Variants in RIC3 observed in about 807,000 individuals in gnomAD.
RIC3 encodes the protein protein RIC-3.
A neutral mutation model predicts 27.3 loss-of-function variants in RIC3; 28 were observed. The ratio of observed to expected loss-of-function variants is 1.02; its 90% CI spans 0.76 to 1.41. The LOEUF (loss-of-function observed/expected upper bound fraction) is 1.41, where lower values mean the gene tolerates loss of function less well. Among genes scored for constraint, RIC3 ranks in the 40% most tolerant of loss-of-function variants. The pLI, the probability that RIC3 is intolerant of heterozygous loss-of-function variation, is 0.00. For missense variants in RIC3, 501 were observed against 444.7 expected (o/e 1.13, Z -1.14); for synonymous variants, 184 against 160.4 (o/e 1.15, Z -1.11).
the RIC3 span, chr11:8,098,861 G>T: frequency 6.2e-7 from 1 of 1,613,660 alleles, no homozygotes; most frequent in Non-Finnish European, 8.5e-7. Context: ...TCAGGAGCTG[G>T]CAGCTGTGTG....
In RIC3 at chr11:8,156,732, G is replaced by A. The variant is rs372909751; in HGVS notation, c.124+12134C>T. 1.4e-4 allele frequency among the ~76,000 whole-genome samples: 21 copies of A among 152,140 alleles called. No homozygotes were observed. In the East Asian group the frequency reaches 3.3e-3, roughly 24 times the overall value. ...TATCTAAATCCAGCCAATCCTCCAA[G>A]GCCCAGGCCAGATACTGCCCCCATG... On this transcript the variant is annotated intron_variant, in intron 1 of 5. Transcript: ENST00000309737.
chr11:8,152,069 T>G (rs1950291924), intron 1 of RIC3, among the ~76,000 whole-genome samples: 1 of 152,052 alleles, frequency 6.6e-6, no homozygotes, highest in Non-Finnish European at 1.5e-5. Flanking sequence ...TCACACTAAC[T>G]AGGATGGCTA....
At chr11:8,155,726 T>A (rs1449514667) in intron 1 of RIC3, among the ~76,000 whole-genome samples, 1 of 152,174 alleles carries the variant, frequency 6.6e-6, no homozygotes, top group Non-Finnish European at 1.5e-5. Context: ...CAGCATTTCA[T>A]TCTTGGGGCA....
chr11:8,095,064 G>A, the RIC3 span, among the ~76,000 whole-genome samples: 22 of 152,246 alleles, frequency 1.4e-4, no homozygotes, highest in Admixed American at 1.4e-3. Context: ...ATGTATGTGA[G>A]TTACTGCACG....
At chr11:8,133,155 C>T (rs1468545790) in intron 4 of RIC3, among the ~76,000 whole-genome samples, 2 of 152,116 alleles carry the variant, frequency 1.3e-5, no homozygotes, top group Non-Finnish European at 2.9e-5. Context: ...GCCTCTGGTG[C>T]CTCCCTCTTT....
chr11:8,138,427 AAAG>A, intron 2 of RIC3, 80 bp from the exon 3 acceptor site: 1 of 827,160 alleles, frequency 1.2e-6, no homozygotes, highest in Non-Finnish European at 1.9e-6. Context: ...AACAAAAAAA[AAAG>A]GTTGGGAAAC....
intron 2 of RIC3, chr11:8,138,702 C>A (rs1036778847): frequency 3.3e-5 from 8 of 242,750 alleles, no homozygotes; most frequent in African/African-American, 6.9e-5. Flanking sequence ...CTGTTCTTAG[C>A]TCCCACAGTT....
chr11:8,164,071 G>A (rs1467479428), intron 1 of RIC3, among the ~76,000 whole-genome samples: 1 of 152,130 alleles, frequency 6.6e-6, no homozygotes, highest in Non-Finnish European at 1.5e-5. Flanking sequence ...GATTTGACAT[G>A]GGTGCCAGAA....
In RIC3 at chr11:8,114,826, G is replaced by A. The variant is rs887744740; in HGVS notation, c.671-3689C>T. On this transcript the variant is annotated intron_variant, in intron 5 of 5. Transcript: ENST00000309737. The stretch of plus-strand genomic sequence containing the variant: ...CAGAAATTCTACAGCTGAAAAATAC[G>A]AGAATTGAAATGAAAAATGCAATAG... Among the ~76,000 whole-genome samples the A allele has an allele frequency of 3.3e-5, 5 of 151,978 alleles. No individual in the cohort carries two copies. The South Asian group carries it at 6.2e-4, about 19-fold the overall frequency.
chr11:8,100,308 C>T, the RIC3 span, among the ~76,000 whole-genome samples: 1 of 152,134 alleles, frequency 6.6e-6, no homozygotes, highest in South Asian at 2.1e-4. Context: ...AAGGATGACG[C>T]ATAAGAGGAG....
rs957293784 is a variant in RIC3, at chr11:8,108,096, T to C, written c.*2602A>G. On this transcript the variant is annotated 3_prime_UTR_variant, in exon 6 of 6. Coordinates refer to ENST00000309737, the MANE Select transcript of RIC3 (RefSeq NM_001206671.4). ...TATAAATACACAAATATATTCCTTA[T>C]ATATAAACCAACCAAGAGCTAGGGC... 2.0e-5 allele frequency: 3 copies of C among 152,190 alleles called. No individual in the cohort carries two copies. The highest frequency in any genetic ancestry group is 4.8e-5 in the African/African-American group (2 of 41,436). The allele number at this position is 152,190 out of a possible 1,614,324, so 9.4% of individuals were successfully genotyped here.
chr11:8,129,281 T>C (rs1230685593), intron 4 of RIC3, among the ~76,000 whole-genome samples: 2 of 152,030 alleles, frequency 1.3e-5, no homozygotes, highest in Non-Finnish European at 2.9e-5. Flanking sequence ...TTCCCAAGGC[T>C]CAATCCTAGG....
the RIC3 span, chr11:8,097,669 G>A: frequency 1.3e-6 from 2 of 1,543,948 alleles, no homozygotes; most frequent in Non-Finnish European, 8.9e-7. Context: ...ACTGTGTGCA[G>A]ACCAGAGGCT....
At chr11:8,168,754 T>G in intron 1 of RIC3, 112 bp downstream of exon 1, 9 of 1,414,732 alleles carry the variant, frequency 6.4e-6, no homozygotes, top group Non-Finnish European at 8.5e-6. Context: ...TCCAGTCAGT[T>G]TGGTGGATAT....
chr11:8,137,186 G>C (rs1025603186), intron 4 of RIC3, among the ~76,000 whole-genome samples, 192 bp downstream of exon 4: 3 of 152,052 alleles, frequency 2.0e-5, no homozygotes, highest in African/African-American at 7.2e-5. Context: ...CACCACACCT[G>C]GCTAATTTTG....
In RIC3 at chr11:8,114,162, A is replaced by T. The variant is rs992815016; in HGVS notation, c.671-3025T>A. On this transcript the variant is annotated intron_variant, in intron 5 of 5. Transcript: ENST00000309737. ...GACTGGTGAATGGCTTTTCCGGACA[A>T]AGCCAGAATGCAAAAACCATTCACC... 2.6e-5 allele frequency among the ~76,000 whole-genome samples: 4 copies of T among 152,200 alleles called. No homozygotes were observed. In the East Asian group the frequency reaches 5.8e-4, roughly 22 times the overall value.
chr11:8,166,878 GGAAAGGGAAAGA>G (rs1247511606), intron 1 of RIC3, among the ~76,000 whole-genome samples: 1 of 151,782 alleles, frequency 6.6e-6, no homozygotes, highest in African/African-American at 2.4e-5. Flanking sequence ...TGAGACCCAG[GGAAAGGGAAAGA>G]GAAAGGGAAA....
chr11:8,101,886 G>C (rs1250320624), downstream of RIC3: 4 of 494,624 alleles, frequency 8.1e-6, no homozygotes, highest in Non-Finnish European at 1.4e-5. Flanking sequence ...TCCCACCCTT[G>C]GGGTAGTAGT....
chr11:8,095,937 T>C, the RIC3 span, among the ~76,000 whole-genome samples: 1 of 152,220 alleles, frequency 6.6e-6, no homozygotes, highest in Non-Finnish European at 1.5e-5. Context: ...TTTGCTGAGC[T>C]ACTGGGAGCA....
Sources: gnomAD v4.1 joint callset for allele counts (sites outside exome capture counted in the v4.1 genomes callset) on GRCh38, gnomAD v4.1.1 for gene constraint, MANE v1.5 for transcripts, NCBI Gene and HGNC (gene_info 2026-07-23, HGNC 2026-07-21) for gene names.